SCN7A: variants seen among roughly 807,000 people sequenced by gnomAD.
SCN7A encodes the protein sodium channel protein type 7 subunit alpha.
SCN7A carries 138 observed loss-of-function variants against 155.2 expected under a neutral mutation model. That is an observed-to-expected ratio of 0.89 (90% confidence interval 0.77 to 1.02). SCN7A has a LOEUF of 1.02. Among genes scored for constraint, SCN7A ranks in the 50% least tolerant of loss-of-function variants. SCN7A has a pLI of 0.00. For missense variants in SCN7A, 2,058 were observed against 1,986.6 expected (o/e 1.04, Z -0.68); for synonymous variants, 693 against 649.0 (o/e 1.07, Z -1.03).
intron 15 of SCN7A, among the ~76,000 whole-genome samples, chr2:166,439,699 A>G (rs901930486): frequency 1.3e-5 from 2 of 152,214 alleles, no homozygotes; most frequent in Non-Finnish European, 2.9e-5. Flanking sequence ...TGTAACTACA[A>G]AGGGCAGAAG....
chr2:166,426,199 G>A (rs1285478962), intron 18 of SCN7A, among the ~76,000 whole-genome samples: 2 of 152,088 alleles, frequency 1.3e-5, no homozygotes, highest in Non-Finnish European at 2.9e-5. Context: ...TGATGCAGAA[G>A]ATTGCTATTT....
rs147329981 is a variant in SCN7A, at chr2:166,446,206, G to A, written c.1388-1206C>T. On this transcript the variant is annotated intron_variant, in intron 12 of 25. Coordinates refer to ENST00000643258, the MANE Select transcript of SCN7A (RefSeq NM_002976.4). Reference sequence around the variant, plus strand: ...GAAAAAACCCCATCAAAAAGTGGGCGAAGGATATGAACAGATACTTCCCAA... The same window carrying A: ...GAAAAAACCCCATCAAAAAGTGGGCAAAGGATATGAACAGATACTTCCCAA... 9.8e-3 allele frequency among the ~76,000 whole-genome samples: 1,487 copies of A among 152,142 alleles called. 6 individuals carry two copies. Among genetic ancestry groups the A allele is most frequent in the Non-Finnish European group, 0.017 (1,128 of 67,976 alleles).
chr2:166,409,660 C>A lies in SCN7A; in HGVS notation c.3982+5G>T. ...CAGTAAAAATTTGACTAAACAAAAT[C>A]TTACCTGTGATGGAGAAAATAACCA... On this transcript the variant is annotated splice_donor_5th_base_variant and intron_variant, in intron 25 of 25. Coordinates refer to ENST00000643258, the MANE Select transcript of SCN7A (RefSeq NM_002976.4). 1 of 1,485,326 alleles carries A rather than the reference C, an allele frequency of 6.7e-7. No individual in the cohort carries two copies. The highest frequency in any genetic ancestry group is 1.4e-5 in the South Asian group (1 of 71,710). The allele number at this position is 1,485,326 out of a possible 1,614,324, so 92.0% of individuals were successfully genotyped here.
chr2:166,415,193 T>A (rs1230270326), intron 21 of SCN7A, among the ~76,000 whole-genome samples: 3 of 148,788 alleles, frequency 2.0e-5, no homozygotes, highest in Non-Finnish European at 4.5e-5. Context: ...CTTCATCCAA[T>A]GGGGCAGAGA....
At chr2:166,453,668 A>G (rs1702221219) in intron 11 of SCN7A, among the ~76,000 whole-genome samples, 1 of 152,204 alleles carries the variant, frequency 6.6e-6, no homozygotes, top group Admixed American at 6.5e-5. Context: ...AAGTAGCTAA[A>G]TTAGGCTGAA....
At chr2:166,434,697 G>A (rs575987378) in intron 15 of SCN7A, among the ~76,000 whole-genome samples, 1 of 152,230 alleles carries the variant, frequency 6.6e-6, no homozygotes, top group Non-Finnish European at 1.5e-5. Flanking sequence ...CCTGATATAA[G>A]ATGGTGAGAC....
At chr2:166,475,026 G>A (rs1702749721) in intron 3 of SCN7A, among the ~76,000 whole-genome samples, 1 of 141,874 alleles carries the variant, frequency 7.0e-6, no homozygotes, top group Admixed American at 7.2e-5. Flanking sequence ...ATGTGTGTGT[G>A]TGTATATATA....
chr2:166,455,415 C>T (rs1385603326), intron 11 of SCN7A, among the ~76,000 whole-genome samples: 1 of 151,736 alleles, frequency 6.6e-6, no homozygotes, highest in Admixed American at 6.6e-5. Flanking sequence ...CAGCTGGAGG[C>T]CATTATCCTA....
chr2:166,414,267 CACACATAT>C (rs1205766304), intron 21 of SCN7A, among the ~76,000 whole-genome samples: 6 of 28,344 alleles, frequency 2.1e-4, no homozygotes, highest in African/African-American at 5.6e-4. Flanking sequence ...TATATATACA[CACACATAT>C]ATATATATAT....
rs761517123 is a variant in SCN7A at position 166,427,792 on chromosome 2, G to C, written c.2849C>G (p.Thr950Ser). Residue 950 changes from threonine to serine, a missense_variant, in exon 18 of 26, where the codon ACT (threonine) becomes AGT (serine). Transcript: ENST00000643258. ...ACACCCTGGCTGCCCACTTACCAGAGTGCCAGTGCTGAGCAGAGTAACAAG... is the reference window on the plus strand; with the variant it reads ...ACACCCTGGCTGCCCACTTACCAGACTGCCAGTGCTGAGCAGAGTAACAAG... ...IGLVTLLSTG[T>S]LAFEDIYMDQ... 19 of 1,608,168 alleles carry C rather than the reference G, an allele frequency of 1.2e-5. No individual in the cohort carries two copies. Among genetic ancestry groups the C allele is most frequent in the East Asian group, 9.0e-5 (4 of 44,680 alleles).
intron 15 of SCN7A, among the ~76,000 whole-genome samples, chr2:166,432,958 A>T (rs985675090): frequency 6.6e-6 from 1 of 152,032 alleles, no homozygotes; most frequent in African/African-American, 2.4e-5. Flanking sequence ...AACTGTAATT[A>T]TGTGTCCTTT....
intron 20 of SCN7A, among the ~76,000 whole-genome samples, chr2:166,417,662 G>A (rs1701409816): frequency 6.6e-6 from 1 of 150,708 alleles, no homozygotes; most frequent in Admixed American, 6.6e-5. Context: ...CAAGATAACT[G>A]AACCCATGTG....
Position 166,465,787 on chromosome 2 carries a change from T to C in SCN7A, c.865A>G (p.Ile289Val), listed in dbSNP as rs1702519365. Residue 289 changes from isoleucine (I) to valine (V), a missense_variant, in exon 8 of 26, where the codon ATT becomes GTT. Coordinates refer to ENST00000643258, the MANE Select transcript of SCN7A (RefSeq NM_002976.4). ...LHNRTGNPYY[I>V]RETENFYYLE... ...ATGGCAAGGTGATTCTTACCTCGAA[T>C]ATAATATGGGTTTCCAGTTCTGTTG... 2 of 1,613,756 alleles carry C rather than the reference T, an allele frequency of 1.2e-6. No homozygotes were observed. Among genetic ancestry groups the C allele is most frequent in the Non-Finnish European group, 1.7e-6 (2 of 1,179,726 alleles).
Position 166,494,141 on chromosome 2 carries a change from C to T in SCN7A, c.-301G>A, listed in dbSNP as rs1225300740. 6.6e-6 allele frequency: 1 copy of T among 152,416 alleles called. No individual in the cohort carries two copies. Among genetic ancestry groups the T allele is most frequent in the Non-Finnish European group, 1.5e-5 (1 of 68,258 alleles). 9.4% of individuals were successfully genotyped at this position (152,416 alleles called of 1,614,324 possible). A position where few individuals can be genotyped will look rare whatever the true frequency, so the allele number is the denominator to read the frequency against. ...TGGCGTCTGTCCTCACCAGCTGTGG[C>T]TCTGCAGTAAATGGGCCCCACTAAA... On this transcript the variant is annotated 5_prime_UTR_variant, in exon 1 of 26. Transcript: ENST00000643258.
chr2:166,405,541 A>G lies in SCN7A; in HGVS notation c.*39T>C. ...CTGGCTTAGGCTTTCAACATTTTTCAGATATGTGAAGAAATATGAAAAGAG... is the reference window on the plus strand; with the variant it reads ...CTGGCTTAGGCTTTCAACATTTTTCGGATATGTGAAGAAATATGAAAAGAG... On this transcript the variant is annotated 3_prime_UTR_variant, in exon 26 of 26. Coordinates refer to ENST00000643258, the MANE Select transcript of SCN7A (RefSeq NM_002976.4). 7.2e-7 allele frequency: 1 copy of G among 1,395,298 alleles called. No individual in the cohort carries two copies. 86.4% of individuals were successfully genotyped at this position (1,395,298 alleles called of 1,614,324 possible).
At chr2:166,482,125 A>G (rs1438689042) in intron 2 of SCN7A, among the ~76,000 whole-genome samples, 2 of 152,186 alleles carry the variant, frequency 1.3e-5, no homozygotes, top group African/African-American at 4.8e-5. Flanking sequence ...ACAATTTCAC[A>G]TGATATAAAA....
intron 20 of SCN7A, among the ~76,000 whole-genome samples, 198 bp downstream of exon 20, chr2:166,420,992 T>A (rs989456275): frequency 6.6e-6 from 1 of 152,016 alleles, no homozygotes; most frequent in African/African-American, 2.4e-5. Context: ...TTGGTTTTTA[T>A]ACTTTATGAG....
intron 15 of SCN7A, among the ~76,000 whole-genome samples, chr2:166,434,991 T>C (rs1323427369): frequency 6.6e-6 from 1 of 152,106 alleles, no homozygotes; most frequent in African/African-American, 2.4e-5. Flanking sequence ...ATTAATCATA[T>C]TTTAAGGAAA....
intron 5 of SCN7A, 111 bp from the exon 6 acceptor site, chr2:166,472,556 G>T (rs1702683662): frequency 1.1e-6 from 1 of 889,640 alleles, no homozygotes; most frequent in Admixed American, 2.7e-5. Context: ...CATCAGGAAG[G>T]TGAGACCAGG....
Sources: allele counts gnomAD v4.1 joint callset (sites outside exome capture counted in the v4.1 genomes callset), GRCh38; gene constraint gnomAD v4.1.1; transcripts MANE v1.5; gene names NCBI Gene and HGNC (gene_info 2026-07-23, HGNC 2026-07-21).